Variants in EME1 observed in about 807,000 individuals in gnomAD.
EME1 encodes the protein structure-specific endonuclease subunit EME1.
Under a neutral mutation model 59.1 loss-of-function variants are expected in EME1, and 61 were observed. The ratio of observed to expected loss-of-function variants is 1.03; its 90% confidence interval spans 0.84 to 1.28. The LOEUF is 1.28. Ranked by LOEUF, EME1 falls within the 50% of genes most tolerant of loss-of-function variation. The pLI, the probability that EME1 is intolerant of heterozygous loss-of-function variation, is 0.00. For missense variants in EME1, 635 were observed against 682.6 expected, an observed-to-expected ratio of 0.93 and a Z score of 0.78; for synonymous variants, 230 against 254.2, an observed-to-expected ratio of 0.90 and a Z score of 0.90.
Position 50,380,296 on chromosome 17 carries a change from A to C in EME1, c.1347-16A>C. 1 of 1,586,372 alleles carries C rather than the reference A, an allele frequency of 6.3e-7. No homozygotes were observed. Among genetic ancestry groups the C allele is most frequent in the Non-Finnish European group, 8.6e-7 (1 of 1,165,870 alleles). On this transcript the variant is annotated splice_polypyrimidine_tract_variant and intron_variant, in intron 7 of 8. Coordinates refer to ENST00000338165, the MANE Select transcript of EME1 (RefSeq NM_152463.4). ...AGTAATGAGCAACTTACAGCTCTCCAACCACGCTGTTGCAGGAAGCTCCGA... is the reference window on the plus strand; with the variant it reads ...AGTAATGAGCAACTTACAGCTCTCCCACCACGCTGTTGCAGGAAGCTCCGA...
intron 3 of EME1, among the ~76,000 whole-genome samples, chr17:50,377,268 G>C (rs1913523427): frequency 6.6e-6 from 1 of 152,076 alleles, no homozygotes; most frequent in Admixed American, 6.5e-5. Context: ...GTTTCCATCA[G>C]TCATCCTATG....
At chr17:50,378,129 T>C (rs998711086) in intron 3 of EME1, among the ~76,000 whole-genome samples, 3 of 151,110 alleles carry the variant, frequency 2.0e-5, no homozygotes, top group African/African-American at 7.3e-5. Context: ...TGCAGTGTTA[T>C]GATCTCGGCT....
chr17:50,374,251 C>A (rs932442424), intron 1 of EME1, among the ~76,000 whole-genome samples: 8 of 152,020 alleles, frequency 5.3e-5, no homozygotes, highest in African/African-American at 1.9e-4. Flanking sequence ...TTTTATTTTT[C>A]TTTTGAAGCA....
In EME1 at chr17:50,379,488, GC is replaced by G. The variant is rs1567817317; in HGVS notation, c.1268del (p.Ala423ValfsTer47). 6.2e-7 allele frequency: 1 copy of G among 1,614,192 alleles called. No homozygotes were observed. The highest frequency in any genetic ancestry group is 8.5e-7 in the Non-Finnish European group (1 of 1,180,020). On this transcript the variant is annotated frameshift_variant, in exon 7 of 9. Coordinates refer to ENST00000338165, the MANE Select transcript of EME1 (RefSeq NM_152463.4). LOFTEE classifies it high-confidence loss of function. ...TCTGCAGCTACACACAGAAGCCCAGGCTCAAATTGTGCAGAGCTGGAAAGAG... is the reference window on the plus strand; with the variant it reads ...TCTGCAGCTACACACAGAAGCCCAGGTCAAATTGTGCAGAGCTGGAAAGAG... ...VDLQLHTEAQ[A>X]QIVQSWKELA...
rs188587428 is a variant in EME1, at chr17:50,380,168, A to G, written c.1347-144A>G. 1,420 of 765,174 alleles carry G rather than the reference A, an allele frequency of 1.9e-3. 4 individuals carry two copies. Among genetic ancestry groups the G allele is most frequent in the Non-Finnish European group, 2.6e-3 (1,255 of 485,332 alleles). 47.4% of individuals were successfully genotyped at this position (765,174 alleles called of 1,614,324 possible). ...TACCTGGCAACAAAGTGAGCACTCA[A>G]ATTGTCAAAGGCACAAAAAGGCCAG... On this transcript the variant is annotated intron_variant, in intron 7 of 8. Coordinates refer to ENST00000338165, the MANE Select transcript of EME1 (RefSeq NM_152463.4).
At position 50,375,716 on chromosome 17, in the gene EME1, C is replaced by G. The variant is rs1245313747; in HGVS notation, c.508C>G (p.Pro170Ala). ...DLILDPCCQL[P>A]AYLSTCPGQS... ...GATCTTAGATCCATGCTGTCAGCTT[C>G]CAGCCTACCTGTCTACCTGCCCTGG... is the stretch of plus-strand genomic sequence containing the variant. Residue 170 changes from proline (P) to alanine (A), a missense_variant, in exon 2 of 9, where the codon CCA becomes GCA. Coordinates refer to ENST00000338165, the MANE Select transcript of EME1 (RefSeq NM_152463.4). The G allele has an allele frequency of 6.2e-7, 1 of 1,613,998 alleles. No individual in the cohort carries two copies. Among genetic ancestry groups the G allele is most frequent in the Non-Finnish European group, 8.5e-7 (1 of 1,180,028 alleles).
rs774797823 is a variant in EME1, at chr17:50,378,643, G to T, written c.952G>T (p.Ala318Ser). The change falls in exon 4 of 9, where the codon GCA (alanine) becomes TCA (serine). Residue 318 changes from alanine to serine, a missense_variant. Physicochemically the swap from Ala to Ser is moderately conservative, Grantham distance 99 (BLOSUM62 1). Transcript: ENST00000338165. ...GCCAACAGTACTGGTGTTGCTCCGGGCAGAGGCATTTGTGTCCATGATCGA... is the reference window on the plus strand; with the variant it reads ...GCCAACAGTACTGGTGTTGCTCCGGTCAGAGGCATTTGTGTCCATGATCGA... ...EEPTVLVLLRAEAFVSMIDNG... is the reference protein window; with the variant it reads ...EEPTVLVLLRSEAFVSMIDNG... 2 of 1,614,144 alleles carry T rather than the reference G, an allele frequency of 1.2e-6. No homozygotes were observed. The highest frequency in any genetic ancestry group is 1.7e-6 in the Non-Finnish European group (2 of 1,180,016).
At chr17:50,376,043 A>G (rs1913446299) in intron 2 of EME1, 23 bp from the exon 3 acceptor site, 2 of 1,609,534 alleles carry the variant, frequency 1.2e-6, no homozygotes, top group African/African-American at 2.7e-5. Context: ...CCCCACTGAC[A>G]GTCCCTTTTC....
chr17:50,375,090 A>G, intron 1 of EME1, 95 bp from the exon 2 acceptor site: 2 of 937,658 alleles, frequency 2.1e-6, no homozygotes, highest in Non-Finnish European at 3.3e-6. Flanking sequence ...TATTCTCTAT[A>G]TCTTATATTT....
chr17:50,376,205 C>A lies in EME1; in HGVS notation c.903+12C>A, dbSNP rs747240948. ...CTGGGCCGTCTGAGGTAGGAGTTTT[C>A]TGGCTGACATTTCCTCCCTCTCCTC... On this transcript the variant is annotated intron_variant, in intron 3 of 8. Coordinates refer to ENST00000338165, the MANE Select transcript of EME1 (RefSeq NM_152463.4). 6.2e-7 allele frequency: 1 copy of A among 1,609,584 alleles called. No homozygotes were observed. Among genetic ancestry groups the A allele is most frequent in the South Asian group, 1.1e-5 (1 of 90,968 alleles).
At chr17:50,380,063 G>A (rs1284336846) in intron 7 of EME1, 1 of 438,282 alleles carries the variant, frequency 2.3e-6, no homozygotes, top group Non-Finnish European at 4.1e-6. Context: ...CAGATTGCCA[G>A]ATATCCAAAG....
At position 50,380,914 on chromosome 17, in the gene EME1, A is replaced by G; in HGVS notation, c.1688A>G (p.His563Arg). 6.2e-7 allele frequency: 1 copy of G among 1,614,164 alleles called. No individual in the cohort carries two copies. Among genetic ancestry groups the G allele is most frequent in the East Asian group, 2.2e-5 (1 of 44,882 alleles). Residue 563 changes from histidine (H) to arginine (R), a missense_variant, in exon 9 of 9, where the codon CAT (histidine) becomes CGT (arginine). His to Arg is a conservative substitution (Grantham distance 29, BLOSUM62 0). Coordinates refer to ENST00000338165, the MANE Select transcript of EME1 (RefSeq NM_152463.4). The stretch of plus-strand genomic sequence containing the variant: ...CTTCAGATGACCACTTTACAGCCAC[A>G]TCTCTCTTTAGATAGTGCTGACTGA... ...IYLQMTTLQP[H>R]LSLDSAD
Position 50,380,368 on chromosome 17 carries a change from G to A in EME1, c.1403G>A (p.Gly468Glu), listed in dbSNP as rs997032126. 2.5e-6 allele frequency: 4 copies of A among 1,613,892 alleles called. No individual in the cohort carries two copies. Among genetic ancestry groups the A allele is most frequent in the South Asian group, 1.1e-5 (1 of 91,044 alleles). ...TGTCTGGAGAGTGACTGGGCTGGAGGGGTGAAGGTGGACCTTGCTGGCAGG... is the reference window on the plus strand; with the variant it reads ...TGTCTGGAGAGTGACTGGGCTGGAGAGGTGAAGGTGGACCTTGCTGGCAGG... ...SFCLESDWAG[G>E]VKVDLAGRGL... The change falls in exon 8 of 9, where the codon GGG (glycine) becomes GAG (glutamate). Residue 468 changes from glycine to glutamate, a missense_variant. By Grantham distance (98) the Gly-to-Glu change is moderately conservative. Coordinates refer to ENST00000338165, the MANE Select transcript of EME1 (RefSeq NM_152463.4).
chr17:50,377,319 GC>G (rs1368855054), intron 3 of EME1, among the ~76,000 whole-genome samples: 1 of 152,098 alleles, frequency 6.6e-6, no homozygotes, highest in African/African-American at 2.4e-5. Flanking sequence ...GGAAACTGGG[GC>G]TCAGAAAAGT....
Position 50,375,986 on chromosome 17 carries a change from C to T in EME1, c.775+3C>T, listed in dbSNP as rs932156075. ...CATCATTGTAGTGCTGGATCCAGGT[C>T]CTCACATGTGTCTTTGTCCTGTGCT... On this transcript the variant is annotated splice_donor_region_variant and intron_variant, in intron 2 of 8. Coordinates refer to ENST00000338165, the MANE Select transcript of EME1 (RefSeq NM_152463.4). The T allele has an allele frequency of 6.2e-7, 1 of 1,605,242 alleles. No homozygotes were observed. Among genetic ancestry groups the T allele is most frequent in the South Asian group, 1.1e-5 (1 of 90,670 alleles).
chr17:50,380,664 AG>A, intron 8 of EME1, 98 bp from the exon 9 acceptor site: 1 of 1,560,798 alleles, frequency 6.4e-7, no homozygotes, highest in South Asian at 1.2e-5. Context: ...GAGGGAGGAC[AG>A]GTTCTCATGC....
intron 1 of EME1, among the ~76,000 whole-genome samples, chr17:50,374,712 TGTG>T (rs1357487588): frequency 2.0e-5 from 3 of 151,554 alleles, no homozygotes; most frequent in Non-Finnish European, 4.4e-5. Context: ...ATTAGCCAGG[TGTG>T]GTGGTGGGGC....
Position 50,380,806 on chromosome 17 carries a change from T to C in EME1, c.1580T>C (p.Leu527Pro), listed in dbSNP as rs1167377901. The C allele has an allele frequency of 6.2e-7, 1 of 1,614,232 alleles. No individual in the cohort carries two copies. The highest frequency in any genetic ancestry group is 1.3e-5 in the African/African-American group (1 of 75,062). Reference protein sequence around the residue: ...CFSDKERQNLLADIQVRRGEG... With the variant: ...CFSDKERQNLPADIQVRRGEG... ...TCGGATAAAGAACGCCAGAATTTGC[T>C]CGCAGACATACAGGTGCGCCGTGGG... Residue 527 changes from leucine to proline, a missense_variant, in exon 9 of 9, where the codon CTC (leucine) becomes CCC (proline). Transcript: ENST00000338165.
At chr17:50,380,205 C>T (rs530352561) in intron 7 of EME1, 107 bp from the exon 8 acceptor site, 4 of 1,151,074 alleles carry the variant, frequency 3.5e-6, no homozygotes, top group South Asian at 3.1e-5. Flanking sequence ...TGTAACATGG[C>T]GCCCACCTCT....
Sources: gnomAD v4.1 joint callset for allele counts (sites outside exome capture counted in the v4.1 genomes callset) on GRCh38, gnomAD v4.1.1 for gene constraint, MANE v1.5 for transcripts, NCBI Gene and HGNC (gene_info 2026-07-23, HGNC 2026-07-21) for gene names.